The following LRMDA variants were observed in gnomAD, a reference collection of about 807,000 sequenced individuals.
LRMDA encodes the protein leucine-rich melanocyte differentiation-associated protein.
Under a neutral mutation model 29.8 loss-of-function variants are expected in LRMDA, and 18 were observed. The ratio of observed to expected loss-of-function variants is 0.60; its 90% confidence interval spans 0.42 to 0.90. LRMDA has a LOEUF of 0.90. Among genes scored for constraint, LRMDA ranks in the 40% least tolerant of loss-of-function variants. The probability of loss-of-function intolerance (pLI) is 0.00; values close to 1 mark genes in which losing one functional copy is unlikely to be tolerated. For missense variants in LRMDA, 273 were observed against 273.9 expected (o/e 1.00, Z 0.02); for synonymous variants, 125 against 109.4 (o/e 1.14, Z -0.89).
intron 2 of LRMDA, among the ~76,000 whole-genome samples, chr10:75,606,327 C>A (rs1184541399): frequency 6.6e-6 from 1 of 152,198 alleles, no homozygotes; most frequent in East Asian, 1.9e-4. Flanking sequence ...TGAATTTCTT[C>A]TCTGTTGATT....
At chr10:75,769,162 A>G (rs1484367678) in intron 2 of LRMDA, among the ~76,000 whole-genome samples, 1 of 152,274 alleles carries the variant, frequency 6.6e-6, no homozygotes, top group Non-Finnish European at 1.5e-5. Context: ...CTCTGAGGAC[A>G]GCTACCGGAG....
At chr10:75,891,389 G>A (rs1845488720) in intron 2 of LRMDA, among the ~76,000 whole-genome samples, 1 of 152,206 alleles carries the variant, frequency 6.6e-6, no homozygotes, top group Non-Finnish European at 1.5e-5. Context: ...ATCAGAATCA[G>A]CATTTTCAGA....
intron 5 of LRMDA, among the ~76,000 whole-genome samples, chr10:76,164,635 C>T (rs10824376): frequency 0.19 from 29,016 of 152,110 alleles, 3,240 homozygotes; most frequent in East Asian, 0.52. Context: ...GAAAAGTTTG[C>T]CAATCTGTGA....
intron 5 of LRMDA, among the ~76,000 whole-genome samples, chr10:76,312,644 C>T (rs923016763): frequency 2.6e-5 from 4 of 151,978 alleles, no homozygotes; most frequent in Non-Finnish European, 5.9e-5. Context: ...GTAGCCTTCT[C>T]GTCTGAGTTA....
At chr10:75,536,263 G>A (rs75181454) in intron 2 of LRMDA, among the ~76,000 whole-genome samples, 62 of 152,092 alleles carry the variant, frequency 4.1e-4, no homozygotes, top group African/African-American at 1.4e-3. Flanking sequence ...TATTGTACTC[G>A]GGGTCCATTC....
chr10:76,425,464 AT>A (rs1842114097), intron 6 of LRMDA, among the ~76,000 whole-genome samples: 1 of 151,986 alleles, frequency 6.6e-6, no homozygotes, highest in Non-Finnish European at 1.5e-5. Flanking sequence ...CTGCGTCTCA[AT>A]TTCTTAACTT....
intron 2 of LRMDA, among the ~76,000 whole-genome samples, chr10:75,929,116 A>G (rs1033292333): frequency 6.6e-6 from 1 of 152,194 alleles, no homozygotes; most frequent in Admixed American, 6.5e-5. Flanking sequence ...TACCACCTAC[A>G]GTGCCCAGAA....
rs187045053 is a variant in LRMDA at position 76,234,494 on chromosome 10, C to T, written c.517-89907C>T. Among the ~76,000 whole-genome samples, 752 of 152,296 alleles carry T rather than the reference C, an allele frequency of 4.9e-3. 4 individuals carry two copies. The highest frequency in any genetic ancestry group is 0.014 in the Middle Eastern group (4 of 294). On this transcript the variant is annotated intron_variant, in intron 5 of 6. Transcript: ENST00000611255. ...GCTCTTATCAAGAGAGTCAGCCTGT[C>T]CTTTGAAGCTTTGAAGCCAGGCATT...
chr10:76,282,004 T>C (rs1200205906), intron 5 of LRMDA, among the ~76,000 whole-genome samples: 1 of 152,186 alleles, frequency 6.6e-6, no homozygotes, highest in Non-Finnish European at 1.5e-5. Context: ...CATTTTTTGG[T>C]GAAAGAAATG....
chr10:75,846,911 C>G (rs1359440481), intron 2 of LRMDA, among the ~76,000 whole-genome samples: 1 of 152,096 alleles, frequency 6.6e-6, no homozygotes, highest in East Asian at 1.9e-4. Context: ...AAATTTAATA[C>G]TGTTAAAATG....
intron 6 of LRMDA, among the ~76,000 whole-genome samples, chr10:76,351,337 G>A (rs1282009962): frequency 6.6e-6 from 1 of 152,130 alleles, no homozygotes; most frequent in Admixed American, 6.6e-5. Flanking sequence ...TTTTGTTCTT[G>A]ATATAGTTTA....
intron 5 of LRMDA, among the ~76,000 whole-genome samples, chr10:76,300,339 T>G (rs948591398): frequency 2.0e-5 from 3 of 152,170 alleles, no homozygotes; most frequent in Non-Finnish European, 4.4e-5. Context: ...GGCACAAAAT[T>G]TAAACTCAGG....
At chr10:75,940,176 G>A (rs529846523) in intron 2 of LRMDA, among the ~76,000 whole-genome samples, 5 of 152,218 alleles carry the variant, frequency 3.3e-5, no homozygotes, top group South Asian at 2.1e-4. Context: ...GGGAGGTAGC[G>A]ATGGTGATGG....
intron 5 of LRMDA, among the ~76,000 whole-genome samples, chr10:76,248,942 A>G (rs1333431735): frequency 6.6e-6 from 1 of 152,192 alleles, no homozygotes; most frequent in Non-Finnish European, 1.5e-5. Context: ...TGATGGGAAA[A>G]TGCTGTTCTG....
At chr10:76,173,138 A>G (rs748409177) in intron 5 of LRMDA, among the ~76,000 whole-genome samples, 19 of 152,190 alleles carry the variant, frequency 1.2e-4, no homozygotes, top group Non-Finnish European at 1.9e-4. Flanking sequence ...AAAGCACTCT[A>G]GGTGGAATTA....
chr10:75,754,606 C>T (rs1351374638), intron 2 of LRMDA, among the ~76,000 whole-genome samples: 3 of 152,130 alleles, frequency 2.0e-5, no homozygotes, highest in African/African-American at 4.8e-5. Context: ...TATTAGTTCA[C>T]TAGTAAGTAA....
chr10:76,428,880 G>A (rs889877722), intron 6 of LRMDA, among the ~76,000 whole-genome samples: 3 of 152,174 alleles, frequency 2.0e-5, no homozygotes, highest in Non-Finnish European at 2.9e-5. Context: ...GGTTAATTGA[G>A]GGTGAGGTAA....
At chr10:75,539,948 C>T (rs1839996224) in intron 2 of LRMDA, among the ~76,000 whole-genome samples, 1 of 152,020 alleles carries the variant, frequency 6.6e-6, no homozygotes, top group African/African-American at 2.4e-5. Flanking sequence ...TTATCAGCAC[C>T]CAGGGGTTAA....
chr10:75,778,901 A>G (rs954639023), intron 2 of LRMDA, among the ~76,000 whole-genome samples: 4 of 152,210 alleles, frequency 2.6e-5, no homozygotes, highest in African/African-American at 4.8e-5. Context: ...AAGGGATCCA[A>G]GTAGGAATAA....
Sources: gnomAD v4.1 joint callset for allele counts (sites outside exome capture counted in the v4.1 genomes callset) on GRCh38, gnomAD v4.1.1 for gene constraint, MANE v1.5 for transcripts, NCBI Gene and HGNC (gene_info 2026-07-23, HGNC 2026-07-21) for gene names.